MYO5A: variants seen among roughly 807,000 people sequenced by gnomAD.
The protein encoded by MYO5A is myosin VA, also known as unconventional myosin-Va.
In MYO5A, 98 loss-of-function variants were observed where a neutral mutation model predicts 249.7. That is an observed-to-expected ratio of 0.39 (90% CI 0.33 to 0.46). MYO5A has a LOEUF of 0.46. Ranked by LOEUF, MYO5A falls within the 20% of genes least tolerant of loss-of-function variation. The pLI, the probability that MYO5A is intolerant of heterozygous loss-of-function variation, is 0.98. For synonymous variants in MYO5A, 778 were observed against 810.6 expected (o/e 0.96, Z 0.68); for missense variants, 1,696 against 2,308.8 (o/e 0.73, Z 5.44).
intron 27 of MYO5A, 44 bp from the exon 28 acceptor site, chr15:52,351,525 C>T: frequency 6.4e-7 from 1 of 1,561,438 alleles, no homozygotes; most frequent in Non-Finnish European, 8.8e-7. Flanking sequence ...TCATCCTCAA[C>T]TTTACGTTGG....
At chr15:52,442,755 T>C (rs1220674839) in intron 1 of MYO5A, among the ~76,000 whole-genome samples, 1 of 69,418 alleles carries the variant, frequency 1.4e-5, no homozygotes, top group Non-Finnish European at 3.1e-5. Flanking sequence ...AAACAGTTTT[T>C]TTCTTTTTTT....
intron 1 of MYO5A, among the ~76,000 whole-genome samples, chr15:52,499,127 C>G (rs1488782437): frequency 1.3e-5 from 2 of 152,156 alleles, no homozygotes; most frequent in Non-Finnish European, 1.5e-5. Context: ...TGCCCTTTTA[C>G]TCCTGAAGCA....
chr15:52,387,402 C>T (rs1167574011), intron 14 of MYO5A, among the ~76,000 whole-genome samples: 1 of 152,212 alleles, frequency 6.6e-6, no homozygotes, highest in African/African-American at 2.4e-5. Context: ...CTAGTACCTC[C>T]CTTCAAACTG....
At chr15:52,388,078 T>C (rs2042045283) in intron 13 of MYO5A, among the ~76,000 whole-genome samples, 166 bp from the exon 14 acceptor site, 1 of 152,218 alleles carries the variant, frequency 6.6e-6, no homozygotes, top group Non-Finnish European at 1.5e-5. Flanking sequence ...GTAAGAAGTA[T>C]GTTAACTTTA....
chr15:52,446,106 TG>T (rs2075884529), intron 1 of MYO5A, among the ~76,000 whole-genome samples: 1 of 152,204 alleles, frequency 6.6e-6, no homozygotes. Context: ...GCCAAGTCAA[TG>T]GGGAAAAGGC....
At chr15:52,381,281 T>C (rs2141127004) in intron 16 of MYO5A, among the ~76,000 whole-genome samples, 1 of 152,240 alleles carries the variant, frequency 6.6e-6, no homozygotes, top group East Asian at 1.9e-4. Flanking sequence ...TCTTCCTGCT[T>C]CCCACTTCTT....
At chr15:52,466,166 A>T (rs1403492969) in intron 1 of MYO5A, among the ~76,000 whole-genome samples, 1 of 152,172 alleles carries the variant, frequency 6.6e-6, no homozygotes, top group African/African-American at 2.4e-5. Flanking sequence ...GCAGGACCCT[A>T]TTCTCTTTCC....
At chr15:52,340,580 A>G (rs2039331311) in intron 31 of MYO5A, among the ~76,000 whole-genome samples, 186 bp from the exon 32 acceptor site, 1 of 152,240 alleles carries the variant, frequency 6.6e-6, no homozygotes. Context: ...GGGTGCTCTC[A>G]CATTTGTGTC....
In MYO5A at chr15:52,311,840, C is replaced by A. The variant is rs952101795; in HGVS notation, c.*1856G>T. On this transcript the variant is annotated 3_prime_UTR_variant, in exon 42 of 42. Transcript: ENST00000399233. Reference sequence around the variant, plus strand: ...ATTTTATAAACGAGGAACTTGAGGCCCATGTAAATTAACAGACAGTATTTA... The same window carrying A: ...ATTTTATAAACGAGGAACTTGAGGCACATGTAAATTAACAGACAGTATTTA... 3.3e-5 allele frequency: 5 copies of A among 152,530 alleles called. No homozygotes were observed. Among genetic ancestry groups the A allele is most frequent in the African/African-American group, 1.2e-4 (5 of 41,400 alleles). The allele number at this position is 152,530 out of a possible 1,614,324, so 9.4% of individuals were successfully genotyped here. A position where few individuals can be genotyped will look rare whatever the true frequency, so the allele number is the denominator to read the frequency against.
At chr15:52,320,877 G>A (rs763413633) in intron 38 of MYO5A, among the ~76,000 whole-genome samples, 8 of 152,114 alleles carry the variant, frequency 5.3e-5, no homozygotes, top group Non-Finnish European at 1.0e-4. Context: ...ACTGGGCGTG[G>A]TGGCAGGCAC....
At chr15:52,327,223 T>G (rs966882462) in intron 36 of MYO5A, among the ~76,000 whole-genome samples, 1 of 152,254 alleles carries the variant, frequency 6.6e-6, no homozygotes, top group Admixed American at 6.5e-5. Context: ...ATATATGAAC[T>G]CTACTAAATA....
intron 25 of MYO5A, 67 bp from the exon 26 acceptor site, chr15:52,354,081 A>G: frequency 6.3e-7 from 1 of 1,585,122 alleles, no homozygotes. Context: ...TGAGAAAATG[A>G]CAAACAGCTC....
intron 1 of MYO5A, among the ~76,000 whole-genome samples, chr15:52,453,358 A>G (rs2076057185): frequency 6.6e-6 from 1 of 152,204 alleles, no homozygotes; most frequent in Admixed American, 6.5e-5. Flanking sequence ...CATGAAGGAG[A>G]GATAAAGTCC....
Position 52,470,341 on chromosome 15 carries a change from A to G in MYO5A, c.28-37056T>C, listed in dbSNP as rs541932771. ...TAGGTGGCCAGGGACATTGCCCAAT[A>G]TCAAAGGAACTTTAAAAGGCCATCC... On this transcript the variant is annotated intron_variant, in intron 1 of 41. Coordinates refer to ENST00000399233, the MANE Select transcript of MYO5A (RefSeq NM_001382347.1). Among the ~76,000 whole-genome samples the G allele has an allele frequency of 6.5e-4, 99 of 152,280 alleles. No homozygotes were observed. In the South Asian group the frequency reaches 0.02, roughly 30 times the overall value.
chr15:52,422,921 G>A (rs2075311100), intron 4 of MYO5A, among the ~76,000 whole-genome samples: 1 of 152,146 alleles, frequency 6.6e-6, no homozygotes, highest in Non-Finnish European at 1.5e-5. Flanking sequence ...GTCTCACTAT[G>A]TTGCCCAGGC....
At chr15:52,368,639 T>A (rs1253821467) in intron 22 of MYO5A, among the ~76,000 whole-genome samples, 1 of 152,178 alleles carries the variant, frequency 6.6e-6, no homozygotes, top group Non-Finnish European at 1.5e-5. Flanking sequence ...GCGCAGTGGC[T>A]CACACCTGTA....
At chr15:52,503,144 C>A (rs1221283592) in intron 1 of MYO5A, among the ~76,000 whole-genome samples, 1 of 151,908 alleles carries the variant, frequency 6.6e-6, no homozygotes, top group East Asian at 1.9e-4. Context: ...CTACAGGTTA[C>A]AATAATCTAC....
chr15:52,364,648 T>C lies in MYO5A; in HGVS notation c.3215A>G (p.Asn1072Ser), dbSNP rs949784458. Residue 1072 changes from asparagine to serine, a missense_variant, in exon 24 of 42, where the codon AAT becomes AGT. Asn to Ser is a conservative substitution (Grantham distance 46). This residue lies in a region of MYO5A where 412 missense variants were observed against 453.3 expected (regional missense o/e 0.91). Transcript: ENST00000399233. ...GTTCTGATATCTCAGCCTTTCATCA[T>C]TAAGGTCGAGTTCCAGTTGTTTCGT... ...EETKQLELDL[N>S]DERLRYQNLL... 1 of 1,613,928 alleles carries C rather than the reference T, an allele frequency of 6.2e-7. No homozygotes were observed. Among genetic ancestry groups the C allele is most frequent in the Non-Finnish European group, 8.5e-7 (1 of 1,179,852 alleles).
At chr15:52,464,389 T>C (rs905129241) in intron 1 of MYO5A, among the ~76,000 whole-genome samples, 1 of 152,194 alleles carries the variant, frequency 6.6e-6, no homozygotes, top group African/African-American at 2.4e-5. Context: ...ACCCACTGCC[T>C]AGAACACCTT....
Sources: allele counts gnomAD v4.1 joint callset (sites outside exome capture counted in the v4.1 genomes callset), GRCh38; gene constraint gnomAD v4.1.1; regional missense constraint gnomAD v4.1.1; transcripts MANE v1.5; gene names NCBI Gene and HGNC (gene_info 2026-07-23, HGNC 2026-07-21).